The following DPYS variants were observed in gnomAD, a reference collection of about 807,000 sequenced individuals.
The protein encoded by DPYS is dihydropyrimidinase.
Under a neutral mutation model 50.3 loss-of-function variants are expected in DPYS, and 39 were observed. The observed-to-expected ratio is 0.78, with a 90% CI of 0.60 to 1.01. The LOEUF is 1.01. Ranked by LOEUF, DPYS falls within the 50% of genes least tolerant of loss-of-function variation. DPYS has a pLI of 0.00. For synonymous variants in DPYS, 245 were observed against 250.7 expected (o/e 0.98, Z 0.22); for missense variants, 659 against 680.9 (o/e 0.97, Z 0.36).
At chr8:104,434,830 C>A (rs2853168) in intron 4 of DPYS, among the ~76,000 whole-genome samples, 6 of 152,100 alleles carry the variant, frequency 3.9e-5, no homozygotes, top group East Asian at 1.9e-4. Flanking sequence ...TATTTTTACC[C>A]TAAAGAAAGG....
At position 104,441,201 on chromosome 8, in the gene DPYS, T is replaced by C. The variant is rs868650112; in HGVS notation, c.793+3047A>G. Among the ~76,000 whole-genome samples, 5 of 152,238 alleles carry C rather than the reference T, an allele frequency of 3.3e-5. No homozygotes were observed. In the South Asian group the frequency reaches 1.0e-3, roughly 31 times the overall value. Reference sequence around the variant, plus strand: ...AAGTATTATACTGTCACAGTAAGTCTGACTCAACTACAACGTTTAGGGAGG... The same window carrying C: ...AAGTATTATACTGTCACAGTAAGTCCGACTCAACTACAACGTTTAGGGAGG... On this transcript the variant is annotated intron_variant, in intron 4 of 9. Transcript: ENST00000351513.
chr8:104,391,706 C>T (rs1226576169), intron 8 of DPYS, among the ~76,000 whole-genome samples: 1 of 152,080 alleles, frequency 6.6e-6, no homozygotes, highest in African/African-American at 2.4e-5. Context: ...ACAAAAGTGA[C>T]ATTTATTGAC....
chr8:104,414,132 CAGA>C (rs1812287286), intron 7 of DPYS, among the ~76,000 whole-genome samples: 2 of 152,064 alleles, frequency 1.3e-5, no homozygotes, highest in African/African-American at 4.8e-5. Context: ...TTAATGCAAC[CAGA>C]AGAAGAATGT....
At chr8:104,466,583 G>C (rs1814407015) in intron 1 of DPYS, 74 bp downstream of exon 1, 2 of 1,421,016 alleles carry the variant, frequency 1.4e-6, no homozygotes, top group African/African-American at 3.0e-5. Context: ...CCCTGCTGAG[G>C]ACCCCGGGAC....
intron 7 of DPYS, among the ~76,000 whole-genome samples, chr8:104,400,066 C>T (rs912285937): frequency 1.4e-5 from 2 of 147,408 alleles, no homozygotes; most frequent in African/African-American, 5.0e-5. Context: ...TGAGCTCAGA[C>T]CAATTCCTGC....
At chr8:104,387,157 A>C (rs1045016224) in intron 8 of DPYS, among the ~76,000 whole-genome samples, 3 of 152,212 alleles carry the variant, frequency 2.0e-5, no homozygotes, top group Admixed American at 2.0e-4. Context: ...CACTCAGCAC[A>C]CATTGAACTG....
rs2140705664 is a variant in DPYS, at chr8:104,444,270, C to T, written c.771G>A (p.Val257=). 2 of 1,614,244 alleles carry T rather than the reference C, an allele frequency of 1.2e-6. No homozygotes were observed. The highest frequency in any genetic ancestry group is 8.5e-7 in the Non-Finnish European group (1 of 1,180,048). Residue 257 remains valine, a synonymous_variant, in exon 4 of 10, where the codon GTG becomes GTA. Coordinates refer to ENST00000351513, the MANE Select transcript of DPYS (RefSeq NM_001385.3). ...TACCATCTCTCCTTGCATCCGCTAT[C>T]ACCTTAGCTGCAGACTTGCTCATCA... ...VHVMSKSAAK[V]IADARRDGKV... is the part of the protein sequence containing the mutation.
At chr8:104,427,274 C>G (rs918210634) in intron 6 of DPYS, among the ~76,000 whole-genome samples, 1 of 148,794 alleles carries the variant, frequency 6.7e-6, no homozygotes, top group Non-Finnish European at 1.5e-5. Flanking sequence ...AACGAATACG[C>G]TTCGTGTATT....
Position 104,451,421 on chromosome 8 carries a change from T to C in DPYS, c.265-17A>G, listed in dbSNP as rs1257555932. On this transcript the variant is annotated splice_polypyrimidine_tract_variant and intron_variant, in intron 1 of 9. Transcript: ENST00000351513. ...GAGAGCAGCCTGGAATCATAAGAGG[T>C]TTTCAACAAATTAGCTATCAATTTC... 1.2e-6 allele frequency: 2 copies of C among 1,613,858 alleles called. No homozygotes were observed. Among genetic ancestry groups the C allele is most frequent in the Admixed American group, 3.3e-5 (2 of 59,992 alleles).
intron 1 of DPYS, among the ~76,000 whole-genome samples, chr8:104,451,927 A>G (rs1267392782): frequency 6.6e-6 from 1 of 152,096 alleles, no homozygotes; most frequent in Non-Finnish European, 1.5e-5. Flanking sequence ...GTCCACTGCT[A>G]CCACCCTGGT....
At chr8:104,429,911 A>G (rs1812894535) in intron 4 of DPYS, among the ~76,000 whole-genome samples, 1 of 152,212 alleles carries the variant, frequency 6.6e-6, no homozygotes, top group African/African-American at 2.4e-5. Flanking sequence ...TGTAAGTATA[A>G]GCTATTCATA....
intron 7 of DPYS, among the ~76,000 whole-genome samples, chr8:104,411,114 A>G (rs1458645682): frequency 6.6e-6 from 1 of 152,218 alleles, no homozygotes; most frequent in African/African-American, 2.4e-5. Flanking sequence ...AAACTTAGTT[A>G]TCCTTCACTA....
chr8:104,390,088 G>A (rs182917489), intron 8 of DPYS, among the ~76,000 whole-genome samples: 1 of 152,278 alleles, frequency 6.6e-6, no homozygotes, highest in Non-Finnish European at 1.5e-5. Context: ...TTAGTCTAGC[G>A]CCCCTTCTGG....
intron 7 of DPYS, among the ~76,000 whole-genome samples, chr8:104,409,354 G>A (rs896667522): frequency 2.0e-5 from 3 of 151,914 alleles, no homozygotes; most frequent in African/African-American, 7.2e-5. Context: ...GCGTGGTGGT[G>A]CACGCCTGTA....
At chr8:104,404,354 A>C (rs1192131836) in intron 7 of DPYS, among the ~76,000 whole-genome samples, 1 of 152,206 alleles carries the variant, frequency 6.6e-6, no homozygotes, top group Non-Finnish European at 1.5e-5. Flanking sequence ...CTGTACTAGT[A>C]CTAAGCTTAT....
chr8:104,449,063 A>T (rs1426663911), intron 2 of DPYS, among the ~76,000 whole-genome samples: 4 of 152,236 alleles, frequency 2.6e-5, no homozygotes, highest in Non-Finnish European at 4.4e-5. Context: ...CTACTTAATT[A>T]ATCTAGAAAA....
At chr8:104,401,595 G>C (rs981741296) in intron 7 of DPYS, among the ~76,000 whole-genome samples, 1 of 152,134 alleles carries the variant, frequency 6.6e-6, no homozygotes, top group Non-Finnish European at 1.5e-5. Flanking sequence ...CATACTCCAT[G>C]ATGTTTCTTG....
At chr8:104,433,394 C>A (rs958372517) in intron 4 of DPYS, among the ~76,000 whole-genome samples, 1 of 152,048 alleles carries the variant, frequency 6.6e-6, no homozygotes, top group Admixed American at 6.6e-5. Flanking sequence ...ATTTAAAGGA[C>A]AATGGAGTGT....
chr8:104,388,964 T>C lies in DPYS; in HGVS notation c.1443+3820A>G, dbSNP rs185084406. ...GCTGGGTAAATTTAGTTAAATTTCC[T>C]TCTACGCATCTCTGAAACTATAGCT... is the stretch of plus-strand genomic sequence containing the variant. On this transcript the variant is annotated intron_variant, in intron 8 of 9. Transcript: ENST00000351513. Among the ~76,000 whole-genome samples the C allele has an allele frequency of 2.5e-3, 388 of 152,362 alleles. 1 individual carries two copies. The highest frequency in any genetic ancestry group is 4.6e-3 in the Non-Finnish European group (314 of 68,034).
Sources: gnomAD v4.1 joint callset for allele counts (sites outside exome capture counted in the v4.1 genomes callset) on GRCh38, gnomAD v4.1.1 for gene constraint, MANE v1.5 for transcripts, NCBI Gene and HGNC (gene_info 2026-07-23, HGNC 2026-07-21) for gene names.